CHODL: variants seen among roughly 807,000 people sequenced by gnomAD.
The protein encoded by CHODL is transmembrane protein MT75.
A neutral mutation model predicts 34.5 loss-of-function variants in CHODL; 29 were observed. The ratio of observed to expected loss-of-function variants is 0.84; its 90% confidence interval spans 0.63 to 1.15. The LOEUF (loss-of-function observed/expected upper bound fraction) is 1.15, where lower values mean the gene tolerates loss of function less well. Ranked by LOEUF, CHODL falls within the 50% of genes most tolerant of loss-of-function variation. The pLI is 0.00. For missense variants in CHODL, 332 were observed against 332.5 expected (o/e 1.00, Z 0.01); for synonymous variants, 125 against 116.1 (o/e 1.08, Z -0.49).
chr21:18,136,102 T>G, intron 2 of CHODL, among the ~76,000 whole-genome samples: 2 of 44,196 alleles, frequency 4.5e-5, no homozygotes, highest in African/African-American at 1.3e-4. Flanking sequence ...CAAGATTATG[T>G]CTCAAAAAAA....
intron 2 of CHODL, among the ~76,000 whole-genome samples, chr21:18,052,887 G>A (rs979476368): frequency 2.0e-5 from 3 of 151,838 alleles, no homozygotes; most frequent in African/African-American, 7.3e-5. Context: ...AAGCGAAGGG[G>A]TAAATGTTTT....
chr21:18,129,519 A>C (rs1021561013), intron 2 of CHODL, among the ~76,000 whole-genome samples: 1 of 152,176 alleles, frequency 6.6e-6, no homozygotes, highest in East Asian at 1.9e-4. Flanking sequence ...AATTCTATCA[A>C]TTTGAATAAT....
At chr21:18,247,950 T>C (rs1203440400) in intron 1 of CHODL, among the ~76,000 whole-genome samples, 4 of 152,002 alleles carry the variant, frequency 2.6e-5, no homozygotes, top group Admixed American at 6.6e-5. Context: ...GTTGGGAGGA[T>C]ATGTTTGAAG....
At chr21:18,084,536 A>G (rs1294736743) in intron 2 of CHODL, among the ~76,000 whole-genome samples, 1 of 152,224 alleles carries the variant, frequency 6.6e-6, no homozygotes, top group African/African-American at 2.4e-5. Context: ...GTGATCATTC[A>G]GGAAAATAAT....
At chr21:18,088,103 G>T (rs755045396) in intron 2 of CHODL, among the ~76,000 whole-genome samples, 5 of 152,056 alleles carry the variant, frequency 3.3e-5, no homozygotes, top group African/African-American at 7.2e-5. Flanking sequence ...CACCTACCAG[G>T]CCCCTCCTCC....
At chr21:18,153,884 A>G (rs1193622958) in intron 2 of CHODL, among the ~76,000 whole-genome samples, 1 of 152,108 alleles carries the variant, frequency 6.6e-6, no homozygotes, top group African/African-American at 2.4e-5. Context: ...GGGGATTGCC[A>G]GTGGTGGGAT....
chr21:18,233,502 G>A (rs1407474564), intron 2 of CHODL, among the ~76,000 whole-genome samples: 5 of 152,072 alleles, frequency 3.3e-5, no homozygotes, highest in Non-Finnish European at 7.4e-5. Context: ...AACAGTGCCA[G>A]ATACATGGTA....
intron 2 of CHODL, among the ~76,000 whole-genome samples, chr21:18,177,958 T>C (rs987369524): frequency 1.3e-5 from 2 of 152,142 alleles, no homozygotes; most frequent in Admixed American, 1.3e-4. Flanking sequence ...TCTATTTTCA[T>C]TGAGAGCACT....
chr21:17,980,992 C>T (rs752229918), intron 1 of CHODL, among the ~76,000 whole-genome samples: 2 of 152,120 alleles, frequency 1.3e-5, no homozygotes, highest in Non-Finnish European at 2.9e-5. Context: ...GAAATGCAGA[C>T]AATAATGCCA....
chr21:18,159,809 A>T (rs1239594165), intron 2 of CHODL, among the ~76,000 whole-genome samples: 1 of 152,228 alleles, frequency 6.6e-6, no homozygotes, highest in Non-Finnish European at 1.5e-5. Context: ...AGATGGCAGC[A>T]TGAGAAGGAT....
Position 18,171,199 on chromosome 21 carries a change from T to TTC in CHODL, c.-44-85309_-44-85308insCT, listed in dbSNP as rs1491468643. ...GTTCTTCAGACATGGTTTTCTTTAG[T>TTC]TTTTTTTTTTTTTTTTTTGAGACGG... On this transcript the variant is annotated intron_variant, in intron 2 of 6. Transcript: ENST00000400127. Among the ~76,000 whole-genome samples the TTC allele has an allele frequency of 1.7e-3, 5 of 3,024 alleles. 2 individuals are homozygous for TTC. Among genetic ancestry groups the TTC allele is most frequent in the Admixed American group, 0.011 (2 of 178 alleles). The allele number at this position is 3,024 out of a possible 152,430, so 2.0% of individuals were successfully genotyped here. A position where few individuals can be genotyped will look rare whatever the true frequency, so the allele number is the denominator to read the frequency against.
chr21:17,946,213 T>G (rs113143865), intron 1 of CHODL, among the ~76,000 whole-genome samples: 7 of 152,122 alleles, frequency 4.6e-5, no homozygotes, highest in South Asian at 2.1e-4. Context: ...GGCAGGAGAT[T>G]GAGACCATCC....
intron 2 of CHODL, among the ~76,000 whole-genome samples, chr21:18,086,041 C>CTTTTT (rs3984977): frequency 2.6e-5 from 1 of 38,734 alleles, no homozygotes; most frequent in Admixed American, 3.5e-4. Flanking sequence ...AGACTTTGTT[C>CTTTTT]TTTTTTTTTT....
intron 2 of CHODL, among the ~76,000 whole-genome samples, chr21:18,049,842 A>T (rs2064491595): frequency 6.6e-6 from 1 of 151,980 alleles, no homozygotes; most frequent in South Asian, 2.1e-4. Flanking sequence ...GGGGGTTAGG[A>T]CTTCAACACA....
chr21:18,133,484 T>C (rs1055288065), intron 2 of CHODL, among the ~76,000 whole-genome samples: 2 of 152,142 alleles, frequency 1.3e-5, no homozygotes, highest in African/African-American at 4.8e-5. Flanking sequence ...CACACACACA[T>C]ACTATTTGCA....
chr21:18,107,570 G>T (rs2205308), intron 2 of CHODL, among the ~76,000 whole-genome samples: 11,414 of 152,192 alleles, frequency 0.075, 585 homozygotes, highest in Non-Finnish European at 0.11. Context: ...CTTTAGCCTT[G>T]TGAAGAGTTT....
At position 18,077,704 on chromosome 21, in the gene CHODL, T is replaced by C. The variant is rs141999738; in HGVS notation, c.-45+49733T>C. Among the ~76,000 whole-genome samples, 36 of 152,218 alleles carry C rather than the reference T, an allele frequency of 2.4e-4. No homozygotes were observed. The East Asian group carries it at 6.2e-3, about 26-fold the overall frequency. On this transcript the variant is annotated intron_variant, in intron 2 of 6. Coordinates refer to the CHODL transcript ENST00000400127. ...TGAAAGAGTGTGAAAGAGTGCTGTTTAGGACGCAAACCCTCACCAAACGCT... is the reference window on the plus strand; with the variant it reads ...TGAAAGAGTGTGAAAGAGTGCTGTTCAGGACGCAAACCCTCACCAAACGCT...
intron 1 of CHODL, among the ~76,000 whole-genome samples, chr21:17,948,924 G>A (rs896174875): frequency 5.3e-5 from 8 of 152,092 alleles, no homozygotes; most frequent in African/African-American, 1.9e-4. Flanking sequence ...GCATTATTCT[G>A]TTGTCAAACC....
At chr21:18,147,257 C>G (rs1393937417) in intron 2 of CHODL, among the ~76,000 whole-genome samples, 3 of 152,216 alleles carry the variant, frequency 2.0e-5, no homozygotes, top group African/African-American at 7.2e-5. Flanking sequence ...GAATGGCCTG[C>G]TCCGCAGACT....
Sources: gnomAD v4.1 joint callset for allele counts (sites outside exome capture counted in the v4.1 genomes callset) on GRCh38, gnomAD v4.1.1 for gene constraint, MANE v1.5 for transcripts, NCBI Gene and HGNC (gene_info 2026-07-23, HGNC 2026-07-21) for gene names.